MARCHF6: variants seen among roughly 807,000 people sequenced by gnomAD.
MARCHF6 encodes the protein membrane associated ring-CH-type finger 6, also known as E3 ubiquitin-protein ligase MARCHF6.
In MARCHF6, 31 loss-of-function variants were observed where a neutral mutation model predicts 133.7. The ratio of observed to expected loss-of-function variants is 0.23; its 90% CI spans 0.17 to 0.31. The LOEUF (loss-of-function observed/expected upper bound fraction) is 0.31. Among genes scored for constraint, MARCHF6 ranks in the 10% least tolerant of loss-of-function variants. The pLI, the probability that MARCHF6 is intolerant of heterozygous loss-of-function variation, is 1.00. For missense variants in MARCHF6, 723 were observed against 1,121.6 expected (o/e 0.64, Z 5.08); for synonymous variants, 395 against 402.5 (o/e 0.98, Z 0.22).
chr5:10,424,619 T>A (rs1739991737), intron 23 of MARCHF6, among the ~76,000 whole-genome samples: 1 of 152,224 alleles, frequency 6.6e-6, no homozygotes, highest in Non-Finnish European at 1.5e-5. Context: ...TAGCTTACGG[T>A]ATCTAGAACC....
At position 10,411,499 on chromosome 5, in the gene MARCHF6, T is replaced by C; in HGVS notation, c.1858T>C (p.Phe620Leu). 6.2e-7 allele frequency: 1 copy of C among 1,614,220 alleles called. No homozygotes were observed. Among genetic ancestry groups the C allele is most frequent in the Non-Finnish European group, 8.5e-7 (1 of 1,180,028 alleles). Residue 620 changes from phenylalanine (F) to leucine (L), a missense_variant, in exon 19 of 26, where the codon TTT (phenylalanine) becomes CTT (leucine). This residue lies in a region of MARCHF6 where 492 missense variants were observed against 699.5 expected (regional missense o/e 0.70). Coordinates refer to ENST00000274140, the MANE Select transcript of MARCHF6 (RefSeq NM_005885.4). ...AILQQGGPVGFQPYRRPLNFP... is the reference protein window; with the variant it reads ...AILQQGGPVGLQPYRRPLNFP... ...ACTCCAGCAGGGAGGGCCTGTTGGC[T>C]TTCAGCCTTACCGCCGACCTTTAAA...
Position 10,407,897 on chromosome 5 carries a change from G to A in MARCHF6, c.1553+695G>A, listed in dbSNP as rs375266128. ...CTTGAACCCAGGAGGCAGAGGTTGC[G>A]GTGAGCCGAGATCGTGCCATTGCAC... is the stretch of plus-strand genomic sequence containing the variant. On this transcript the variant is annotated intron_variant, in intron 17 of 25. Coordinates refer to ENST00000274140, the MANE Select transcript of MARCHF6 (RefSeq NM_005885.4). Among the ~76,000 whole-genome samples, 12 of 151,742 alleles carry A rather than the reference G, an allele frequency of 7.9e-5. No homozygotes were observed. In the East Asian group the frequency reaches 1.4e-3, roughly 17 times the overall value.
At chr5:10,365,492 G>A (rs572134224) in intron 1 of MARCHF6, among the ~76,000 whole-genome samples, 1 of 152,114 alleles carries the variant, frequency 6.6e-6, no homozygotes, top group Non-Finnish European at 1.5e-5. Context: ...TAGAGGTGGG[G>A]TTTCTCCATG....
At chr5:10,377,519 A>G (rs1736863967) in intron 1 of MARCHF6, among the ~76,000 whole-genome samples, 1 of 152,244 alleles carries the variant, frequency 6.6e-6, no homozygotes, top group Admixed American at 6.5e-5. Flanking sequence ...CGCAGTTTTG[A>G]ATAAAACCAT....
In MARCHF6 at chr5:10,353,853, G is replaced by A. The variant is rs1226423473; in HGVS notation, c.-46G>A. ...TCTCCCCTCCCTCTTTCCCCGCCCG[G>A]CCGCGGGAGCCTCGTGGCTGCGTCA... On this transcript the variant is annotated 5_prime_UTR_variant, in exon 1 of 26. Coordinates refer to ENST00000274140, the MANE Select transcript of MARCHF6 (RefSeq NM_005885.4). 5.8e-6 allele frequency: 9 copies of A among 1,544,774 alleles called. No homozygotes were observed. Among genetic ancestry groups the A allele is most frequent in the Non-Finnish European group, 7.8e-6 (9 of 1,147,726 alleles).
At chr5:10,355,163 C>G (rs546530151) in intron 1 of MARCHF6, among the ~76,000 whole-genome samples, 1 of 152,186 alleles carries the variant, frequency 6.6e-6, no homozygotes, top group African/African-American at 2.4e-5. Context: ...CAAGTAATTT[C>G]CCTTTCATTA....
chr5:10,381,839 A>T lies in MARCHF6; in HGVS notation c.230A>T (p.Asp77Val). ...PDMPSRLPIQ[D>V]IFAGLVTSIG... ...ATGCCTTCACGGCTTCCAATTCAAGACATATTTGCTGGACTGGTTACAAGT... is the reference window on the plus strand; with the variant it reads ...ATGCCTTCACGGCTTCCAATTCAAGTCATATTTGCTGGACTGGTTACAAGT... Residue 77 changes from aspartate to valine, a missense_variant, in exon 4 of 26, where the codon GAC becomes GTC. By Grantham distance (152) the Asp-to-Val change is radical. Transcript: ENST00000274140. 6.2e-7 allele frequency: 1 copy of T among 1,611,298 alleles called. No homozygotes were observed. Among genetic ancestry groups the T allele is most frequent in the Admixed American group, 1.7e-5 (1 of 59,402 alleles).
intron 1 of MARCHF6, among the ~76,000 whole-genome samples, chr5:10,373,068 A>C (rs114258287): frequency 0.015 from 2,347 of 152,074 alleles, 64 homozygotes; most frequent in African/African-American, 0.052. Context: ...TCTTAAAAAA[A>C]AAAACAAAAC....
chr5:10,357,803 AAT>A (rs1735569217), intron 1 of MARCHF6, among the ~76,000 whole-genome samples: 1 of 152,244 alleles, frequency 6.6e-6, no homozygotes, highest in African/African-American at 2.4e-5. Flanking sequence ...GGCAAGGAAC[AAT>A]ATAGAGAAAA....
intron 17 of MARCHF6, among the ~76,000 whole-genome samples, chr5:10,407,552 T>G (rs1738969302): frequency 6.6e-6 from 1 of 152,216 alleles, no homozygotes; most frequent in Non-Finnish European, 1.5e-5. Context: ...TAGCATCATC[T>G]TTATTTTGAA....
At chr5:10,357,703 A>G (rs1377102045) in intron 1 of MARCHF6, among the ~76,000 whole-genome samples, 1 of 152,196 alleles carries the variant, frequency 6.6e-6, no homozygotes, top group Non-Finnish European at 1.5e-5. Flanking sequence ...CTGTTTTGGC[A>G]TGCTTGTGAC....
intron 7 of MARCHF6, 40 bp downstream of exon 7, chr5:10,391,771 A>T: frequency 7.0e-7 from 1 of 1,436,396 alleles, no homozygotes; most frequent in Non-Finnish European, 9.2e-7. Flanking sequence ...CAGCACTGCA[A>T]ATCTGTTCTC....
rs1736883615 is a variant in MARCHF6, at chr5:10,377,800, A to G, written c.22A>G (p.Ile8Val). Residue 8 changes from isoleucine (I) to valine (V), a missense_variant and splice_region_variant, in exon 2 of 26, where the codon ATA becomes GTA. Coordinates refer to ENST00000274140, the MANE Select transcript of MARCHF6 (RefSeq NM_005885.4). ...CAATTTTCCTTTTTCATTGGCAGAC[A>G]TATGTAGAGTGTGTCGGTCAGAAGG... MDTAEEDICRVCRSEGTP... is the reference protein window; with the variant it reads MDTAEEDVCRVCRSEGTP... 1.2e-6 allele frequency: 2 copies of G among 1,606,332 alleles called. No homozygotes were observed. The highest frequency in any genetic ancestry group is 1.3e-5 in the African/African-American group (1 of 74,746).
Position 10,414,473 on chromosome 5 carries a change from T to C in MARCHF6, c.1937T>C (p.Ile646Thr). ...LIVFMCITLL[I>T]ASLICLTLPV... ...GTCTTCATGTGTATAACATTACTGA[T>C]TGCCAGCCTCATCTGCCTTACTTTA... is the stretch of plus-strand genomic sequence containing the variant. Residue 646 changes from isoleucine to threonine, a missense_variant, in exon 20 of 26, where the codon ATT (isoleucine) becomes ACT (threonine). This residue lies in a region of MARCHF6 where 492 missense variants were observed against 699.5 expected (regional missense o/e 0.70). Coordinates refer to ENST00000274140, the MANE Select transcript of MARCHF6 (RefSeq NM_005885.4). The C allele has an allele frequency of 6.2e-7, 1 of 1,613,770 alleles. No individual in the cohort carries two copies. The highest frequency in any genetic ancestry group is 1.1e-5 in the South Asian group (1 of 91,058).
chr5:10,375,635 A>T (rs1472017059), intron 1 of MARCHF6, among the ~76,000 whole-genome samples: 2 of 152,204 alleles, frequency 1.3e-5, no homozygotes, highest in Non-Finnish European at 2.9e-5. Flanking sequence ...TCTGGTGGGG[A>T]CGTGGAGAGT....
At chr5:10,417,119 G>A in intron 21 of MARCHF6, 151 bp from the exon 22 acceptor site, 1 of 841,644 alleles carries the variant, frequency 1.2e-6, no homozygotes, top group Non-Finnish European at 1.8e-6. Flanking sequence ...TTGAGTACCT[G>A]CAGATTTTCT....
At chr5:10,414,577 C>G in intron 20 of MARCHF6, 75 bp downstream of exon 20, 2 of 1,230,630 alleles carry the variant, frequency 1.6e-6, no homozygotes, top group African/African-American at 1.5e-5. Context: ...GAGTCTTGCT[C>G]TGTTCCCCAG....
At chr5:10,382,686 G>A (rs1346492705) in intron 4 of MARCHF6, among the ~76,000 whole-genome samples, 1 of 152,104 alleles carries the variant, frequency 6.6e-6, no homozygotes, top group African/African-American at 2.4e-5. Context: ...AATTAGCCGG[G>A]TGTGGTGGTG....
intron 4 of MARCHF6, among the ~76,000 whole-genome samples, chr5:10,383,771 A>G (rs1305127609): frequency 6.6e-6 from 1 of 152,234 alleles, no homozygotes; most frequent in Non-Finnish European, 1.5e-5. Flanking sequence ...CTAAGTCTCA[A>G]TTGTTAATCT....
Sources: gnomAD v4.1 joint callset for allele counts (sites outside exome capture counted in the v4.1 genomes callset) on GRCh38, gnomAD v4.1.1 for gene constraint, gnomAD v4.1.1 regional missense constraint, MANE v1.5 for transcripts, NCBI Gene and HGNC (gene_info 2026-07-23, HGNC 2026-07-21) for gene names.